Variants in ADARB1 observed in about 807,000 individuals in gnomAD.
ADARB1 encodes the protein adenosine deaminase RNA specific B1, also known as double-stranded RNA-specific editase 1.
In ADARB1, 10 loss-of-function variants were observed where a neutral mutation model predicts 52.4. The observed-to-expected ratio is 0.19, with a 90% CI of 0.12 to 0.32. The LOEUF (loss-of-function observed/expected upper bound fraction) is 0.32. ADARB1 is among the 10% of genes least tolerant of loss of function. The probability of loss-of-function intolerance (pLI) is 1.00; values close to 1 mark genes in which losing one functional copy is unlikely to be tolerated. For missense variants in ADARB1, 643 were observed against 922.3 expected, an observed-to-expected ratio of 0.70 and a Z score of 3.92; for synonymous variants, 349 against 371.1, an observed-to-expected ratio of 0.94 and a Z score of 0.68.
intron 2 of ADARB1, among the ~76,000 whole-genome samples, chr21:45,155,187 C>A (rs1033578896): frequency 6.6e-6 from 1 of 152,196 alleles, no homozygotes; most frequent in Non-Finnish European, 1.5e-5. Context: ...GGCTGGGCTC[C>A]CCCATGTTTC....
At chr21:45,081,928 C>G (rs998228120) in intron 1 of ADARB1, among the ~76,000 whole-genome samples, 2 of 152,132 alleles carry the variant, frequency 1.3e-5, no homozygotes, top group African/African-American at 4.8e-5. Context: ...TGCAGACTCT[C>G]AAGAGTGCAA....
At chr21:45,081,999 GA>G (rs958852532) in intron 1 of ADARB1, among the ~76,000 whole-genome samples, 1 of 152,212 alleles carries the variant, frequency 6.6e-6, no homozygotes, top group Non-Finnish European at 1.5e-5. Context: ...AGAGGTGGCA[GA>G]ACTGGAGAAA....
At chr21:45,106,071 GC>G (rs1421942519) in intron 1 of ADARB1, among the ~76,000 whole-genome samples, 2 of 152,132 alleles carry the variant, frequency 1.3e-5, no homozygotes, top group African/African-American at 4.8e-5. Flanking sequence ...AGGACTGTTT[GC>G]TTCTCAACCT....
intron 1 of ADARB1, among the ~76,000 whole-genome samples, chr21:45,084,693 T>A (rs1263954167): frequency 6.6e-6 from 1 of 152,176 alleles, no homozygotes; most frequent in Non-Finnish European, 1.5e-5. Flanking sequence ...AATTACAAAG[T>A]TAGAAGTGGA....
intron 9 of ADARB1, among the ~76,000 whole-genome samples, chr21:45,207,337 C>T (rs2092685691): frequency 6.6e-6 from 1 of 152,178 alleles, no homozygotes; most frequent in African/African-American, 2.4e-5. Flanking sequence ...GGAGAAGACA[C>T]CTTTAGACGA....
intron 1 of ADARB1, among the ~76,000 whole-genome samples, chr21:45,082,068 A>T (rs2086174895): frequency 6.6e-6 from 1 of 152,094 alleles, no homozygotes; most frequent in Non-Finnish European, 1.5e-5. Flanking sequence ...GAGACAAGGG[A>T]AGTGGAGGGA....
intron 1 of ADARB1, among the ~76,000 whole-genome samples, chr21:45,093,473 C>G (rs2086638181): frequency 6.6e-6 from 1 of 152,224 alleles, no homozygotes; most frequent in African/African-American, 2.4e-5. Context: ...GTGCCGAGCC[C>G]TCTGGGCCAC....
intron 1 of ADARB1, among the ~76,000 whole-genome samples, chr21:45,124,986 A>G (rs2088485624): frequency 2.6e-5 from 4 of 151,586 alleles, no homozygotes; most frequent in Admixed American, 2.0e-4. Context: ...TTTAGTACAG[A>G]TGGTTTTGCT....
intron 1 of ADARB1, among the ~76,000 whole-genome samples, chr21:45,077,361 A>G (rs1290806570): frequency 1.3e-5 from 2 of 152,218 alleles, no homozygotes; most frequent in African/African-American, 2.4e-5. Flanking sequence ...GAGAGGTCCA[A>G]TTTTATTAGA....
intron 8 of ADARB1, among the ~76,000 whole-genome samples, chr21:45,185,752 G>GA (rs200018700): frequency 1.2e-3 from 183 of 151,378 alleles, no homozygotes; most frequent in African/African-American, 2.9e-3. Flanking sequence ...TGTTTATTTG[G>GA]AAAAAAAAAG....
intron 2 of ADARB1, chr21:45,134,627 A>T (rs1463109710): frequency 2.5e-6 from 1 of 402,848 alleles, no homozygotes; most frequent in Non-Finnish European, 4.9e-6. Context: ...GTACATGAAG[A>T]ATCCTACAGA....
chr21:45,184,034 A>G (rs1017629828), intron 7 of ADARB1, among the ~76,000 whole-genome samples: 2 of 152,174 alleles, frequency 1.3e-5, no homozygotes, highest in Admixed American at 6.5e-5. Context: ...GTTTATTCCA[A>G]ATAGAACGTT....
At chr21:45,139,934 T>TC (rs1491260448) in intron 2 of ADARB1, among the ~76,000 whole-genome samples, 26 of 4,216 alleles carry the variant, frequency 6.2e-3, no homozygotes, top group Admixed American at 0.019. Context: ...AATAAAACTC[T>TC]TTTTTTTTTT....
Position 45,204,883 on chromosome 21 carries a change from T to C in ADARB1, c.1747+147T>C. The C allele has an allele frequency of 1.2e-6, 1 of 847,228 alleles. No homozygotes were observed. The highest frequency in any genetic ancestry group is 1.8e-6 in the Non-Finnish European group (1 of 565,366). The allele number at this position is 847,228 out of a possible 1,614,324, so 52.5% of individuals were successfully genotyped here. Reference sequence around the variant, plus strand: ...TTCTAAAGAGACCCAAGGTGATGTTTCTGAGGCTCTCCGGGCCTTGTCTCT... The same window carrying C: ...TTCTAAAGAGACCCAAGGTGATGTTCCTGAGGCTCTCCGGGCCTTGTCTCT... On this transcript the variant is annotated intron_variant, in intron 9 of 10. Coordinates refer to ENST00000348831, the MANE Select transcript of ADARB1 (RefSeq NM_001112.4). The surrounding 1 kb of genome is among the most constrained non-coding windows in gnomAD (Gnocchi z 4.4).
chr21:45,138,194 GTTTGA>G (rs890069532), intron 2 of ADARB1, among the ~76,000 whole-genome samples: 7 of 152,214 alleles, frequency 4.6e-5, no homozygotes, highest in Non-Finnish European at 1.0e-4. Context: ...ACTTGCTATT[GTTTGA>G]TTTATGAACT....
rs774652874 is a variant in ADARB1, at chr21:45,192,653, G to C, written c.1565+7562G>C. Among the ~76,000 whole-genome samples the C allele has an allele frequency of 2.1e-4, 32 of 152,188 alleles. 1 individual carries two copies. Among genetic ancestry groups the C allele is most frequent in the Non-Finnish European group, 2.1e-4 (14 of 68,038 alleles). ...ATGAGATGCCACTTGAAGACAGAGAGAGGGCAAGGAACAGTGAAGCACCAA... is the reference window on the plus strand; with the variant it reads ...ATGAGATGCCACTTGAAGACAGAGACAGGGCAAGGAACAGTGAAGCACCAA... On this transcript the variant is annotated intron_variant, in intron 8 of 10. Transcript: ENST00000348831.
At chr21:45,117,536 C>T (rs913720492) in intron 1 of ADARB1, among the ~76,000 whole-genome samples, 2 of 151,742 alleles carry the variant, frequency 1.3e-5, no homozygotes, top group Non-Finnish European at 2.9e-5. Flanking sequence ...CCGTTCTCTT[C>T]GTAGGACTGT....
At chr21:45,181,878 C>T (rs1431340011) in intron 5 of ADARB1, among the ~76,000 whole-genome samples, 1 of 152,232 alleles carries the variant, frequency 6.6e-6, no homozygotes, top group Non-Finnish European at 1.5e-5. Context: ...CGTGGGAATG[C>T]AGTGAGGACA....
intron 9 of ADARB1, among the ~76,000 whole-genome samples, chr21:45,207,865 A>G (rs2092695992): frequency 6.6e-6 from 1 of 152,260 alleles, no homozygotes; most frequent in Admixed American, 6.5e-5. Context: ...AAATCAAAGT[A>G]AAAATGTAGG....
Sources: gnomAD v4.1 joint callset for allele counts (sites outside exome capture counted in the v4.1 genomes callset) on GRCh38, gnomAD v4.1.1 for gene constraint, Gnocchi (gnomAD v3.1) non-coding constraint, MANE v1.5 for transcripts, NCBI Gene and HGNC (gene_info 2026-07-23, HGNC 2026-07-21) for gene names.